Variants in NALCN observed in about 807,000 individuals in gnomAD.
NALCN encodes the protein sodium leak channel, non-selective.
In NALCN, 111 loss-of-function variants were observed where a neutral mutation model predicts 225.3. The ratio of observed to expected loss-of-function variants is 0.49; its 90% CI spans 0.42 to 0.58. The LOEUF is 0.58. Ranked by LOEUF, NALCN falls within the 20% of genes least tolerant of loss-of-function variation. The pLI, the probability that NALCN is intolerant of heterozygous loss-of-function variation, is 0.00. For missense variants in NALCN, 1,378 were observed against 2,202.4 expected, an observed-to-expected ratio of 0.63 and a Z score of 7.49; for synonymous variants, 764 against 769.0, an observed-to-expected ratio of 0.99 and a Z score of 0.11.
rs748898736 is a variant in NALCN at position 101,095,553 on chromosome 13, AT to A, written c.3269+20del. 4.4e-6 allele frequency: 7 copies of A among 1,576,712 alleles called. No individual in the cohort carries two copies. The Admixed American group carries it at 5.2e-5, about 12-fold the overall frequency. On this transcript the variant is annotated intron_variant, in intron 28 of 43. Transcript: ENST00000251127. ...TGACAAACACACCATTCTTCAGAAT[AT>A]TTTTTTATGATATACTTACCAAACA...
chr13:101,378,721 A>C, intron 3 of NALCN, 68 bp from the exon 4 acceptor site: 33 of 1,287,776 alleles, frequency 2.6e-5, no homozygotes, highest in Non-Finnish European at 3.4e-5. Context: ...TGTGGAGGAA[A>C]ATGTCAAATA....
At chr13:101,370,149 A>T (rs1594752880) in intron 6 of NALCN, among the ~76,000 whole-genome samples, 1 of 152,240 alleles carries the variant, frequency 6.6e-6, no homozygotes, top group African/African-American at 2.4e-5. Context: ...AAAGATGAAT[A>T]TAACACAATA....
In NALCN at chr13:101,399,875, C is replaced by T. The variant is rs537484364; in HGVS notation, c.-39-710G>A. On this transcript the variant is annotated intron_variant, in intron 1 of 43. Coordinates refer to ENST00000251127, the MANE Select transcript of NALCN (RefSeq NM_052867.4). ...AGACGTTACCTCCCTATGGCCATTG[C>T]TACTGCCTTCCACAACTCAGCAGTC... Among the ~76,000 whole-genome samples the T allele has an allele frequency of 1.9e-4, 29 of 152,290 alleles. No individual in the cohort carries two copies. In the South Asian group the frequency reaches 5.8e-3, roughly 30 times the overall value.
intron 13 of NALCN, among the ~76,000 whole-genome samples, chr13:101,198,941 C>G (rs1291543744): frequency 6.6e-6 from 1 of 151,932 alleles, no homozygotes; most frequent in Non-Finnish European, 1.5e-5. Flanking sequence ...CACATATACA[C>G]CATAGAATAC....
At chr13:101,231,839 G>A (rs886679351) in intron 12 of NALCN, among the ~76,000 whole-genome samples, 10 of 152,016 alleles carry the variant, frequency 6.6e-5, no homozygotes, top group Admixed American at 1.3e-4. Flanking sequence ...AACTCTGCCT[G>A]GTTTTCCTTT....
Position 101,368,045 on chromosome 13 carries a change from C to T in NALCN, c.644+8655G>A, listed in dbSNP as rs1023389142. The stretch of plus-strand genomic sequence containing the variant: ...TACTTTAAGTTTTAGGGTACATGTG[C>T]ACAATGTGCAGGTTAGTTACATATG... On this transcript the variant is annotated intron_variant, in intron 6 of 43. Coordinates refer to ENST00000251127, the MANE Select transcript of NALCN (RefSeq NM_052867.4). Among the ~76,000 whole-genome samples, 21 of 151,086 alleles carry T rather than the reference C, an allele frequency of 1.4e-4. No individual in the cohort carries two copies. The East Asian group carries it at 3.1e-3, about 22-fold the overall frequency.
At chr13:101,201,759 T>C (rs113016098) in intron 13 of NALCN, among the ~76,000 whole-genome samples, 8 of 152,296 alleles carry the variant, frequency 5.3e-5, no homozygotes, top group African/African-American at 1.9e-4. Flanking sequence ...ACAACTCGTA[T>C]CATCCACATA....
intron 10 of NALCN, among the ~76,000 whole-genome samples, chr13:101,268,012 TTGGATGTGTCACTTTGAGAAA>T (rs1444468510): frequency 6.6e-6 from 1 of 152,178 alleles, no homozygotes. Flanking sequence ...ATGCATCACT[TTGGATGTGTCACTTTGAGAAA>T]GGGTGTGCCT....
chr13:101,169,309 T>TA lies in NALCN; in HGVS notation c.1839+6990dup, dbSNP rs1297288403. Among the ~76,000 whole-genome samples, 36 of 152,282 alleles carry TA rather than the reference T, an allele frequency of 2.4e-4. 1 individual carries two copies. Among genetic ancestry groups the TA allele is most frequent in the African/African-American group, 8.4e-4 (35 of 41,566 alleles). ...AGAGATAACTCAGTTGATCTCAGCC[T>TA]ATCTTAGCCTATGCCATTATGTATT... On this transcript the variant is annotated intron_variant, in intron 15 of 43. Transcript: ENST00000251127.
rs754600455 is a variant in NALCN at position 101,083,751 on chromosome 13, T to C, written c.3543A>G (p.Arg1181=). Residue 1181 remains arginine, a synonymous_variant, in exon 31 of 44, where the codon CGA becomes CGG. Coordinates refer to ENST00000251127, the MANE Select transcript of NALCN (RefSeq NM_052867.4). ...GATGAAGAGGCTGTGCGATCTTCAG[T>C]CGGCTCTTCAGGTCTTCCCATCTTC... ...DQRRWEDLKS[R]LKIAQPLHLP... is the part of the protein sequence containing the mutation. The C allele has an allele frequency of 2.4e-5, 39 of 1,613,834 alleles. No homozygotes were observed. Among genetic ancestry groups the C allele is most frequent in the Non-Finnish European group, 5.9e-6 (7 of 1,179,888 alleles).
chr13:101,199,006 T>A (rs1328115162), intron 13 of NALCN, among the ~76,000 whole-genome samples: 1 of 151,968 alleles, frequency 6.6e-6, no homozygotes, highest in Non-Finnish European at 1.5e-5. Context: ...TGGATGAAGC[T>A]GGAAACTATC....
chr13:101,393,983 G>C (rs900504290), intron 3 of NALCN, among the ~76,000 whole-genome samples: 1 of 152,068 alleles, frequency 6.6e-6, no homozygotes, highest in Non-Finnish European at 1.5e-5. Flanking sequence ...TTTATCATAT[G>C]TAAAATATTA....
chr13:101,117,513 T>C (rs2035774974), intron 18 of NALCN, among the ~76,000 whole-genome samples: 2 of 152,236 alleles, frequency 1.3e-5, no homozygotes, highest in South Asian at 4.1e-4. Context: ...CTTTACTACT[T>C]TACTCTCCAG....
chr13:101,156,635 A>C (rs1471318240), intron 15 of NALCN, among the ~76,000 whole-genome samples: 1 of 152,074 alleles, frequency 6.6e-6, no homozygotes, highest in Admixed American at 6.6e-5. Context: ...CTCCTGTGGC[A>C]TCTCCCCTCT....
chr13:101,101,605 G>A (rs1368304239), intron 26 of NALCN, among the ~76,000 whole-genome samples: 2 of 152,132 alleles, frequency 1.3e-5, no homozygotes, highest in African/African-American at 4.8e-5. Flanking sequence ...TATTAGCAGA[G>A]CACAAATGAG....
chr13:101,319,230 G>A (rs184254861), intron 7 of NALCN, among the ~76,000 whole-genome samples: 2 of 152,274 alleles, frequency 1.3e-5, no homozygotes, highest in East Asian at 1.9e-4. Flanking sequence ...CACAGGGCTT[G>A]TCTAGTCCTA....
At chr13:101,096,184 C>T (rs1274809185) in intron 27 of NALCN, among the ~76,000 whole-genome samples, 1 of 152,110 alleles carries the variant, frequency 6.6e-6, no homozygotes, top group Non-Finnish European at 1.5e-5. Flanking sequence ...ACCACTAACA[C>T]AGAGTTACCA....
intron 10 of NALCN, among the ~76,000 whole-genome samples, chr13:101,263,006 T>C (rs185614664): frequency 6.6e-6 from 1 of 152,348 alleles, no homozygotes; most frequent in Admixed American, 6.5e-5. Context: ...CAAGCATTTT[T>C]CTGTTCGGGA....
chr13:101,182,794 G>A (rs1014045303), intron 14 of NALCN, among the ~76,000 whole-genome samples: 1 of 152,196 alleles, frequency 6.6e-6, no homozygotes, highest in Non-Finnish European at 1.5e-5. Context: ...AGGAGGTGCA[G>A]GGTGAGTCTG....
Sources: gnomAD v4.1 joint callset for allele counts (sites outside exome capture counted in the v4.1 genomes callset) on GRCh38, gnomAD v4.1.1 for gene constraint, MANE v1.5 for transcripts, NCBI Gene and HGNC (gene_info 2026-07-23, HGNC 2026-07-21) for gene names.